ATP2B2: variants seen among roughly 807,000 people sequenced by gnomAD.
ATP2B2 encodes the protein ATPase plasma membrane Ca2+ transporting 2, also known as plasma membrane calcium-transporting ATPase 2.
A neutral mutation model predicts 120.0 loss-of-function variants in ATP2B2; 15 were observed. That is an observed-to-expected ratio of 0.12 (90% confidence interval 0.08 to 0.19). The LOEUF is 0.19. Among genes scored for constraint, ATP2B2 ranks in the 10% least tolerant of loss-of-function variants. The pLI is 1.00. For synonymous variants in ATP2B2, 694 were observed against 700.3 expected, an observed-to-expected ratio of 0.99 and a Z score of 0.14; for missense variants, 1,045 against 1,719.8, an observed-to-expected ratio of 0.61 and a Z score of 6.94.
chr3:10,373,699 T>C (rs902573226), intron 11 of ATP2B2, among the ~76,000 whole-genome samples: 7 of 152,212 alleles, frequency 4.6e-5, no homozygotes, highest in African/African-American at 7.2e-5. Flanking sequence ...TTTCCTTTTT[T>C]AAAATAATGT....
At chr3:10,352,215 C>A (rs1280147795) in intron 14 of ATP2B2, among the ~76,000 whole-genome samples, 1 of 152,364 alleles carries the variant, frequency 6.6e-6, no homozygotes, top group Non-Finnish European at 1.5e-5. Flanking sequence ...GCCCAGCCTG[C>A]CTCTGGGCAG....
At chr3:10,679,583 C>T (rs1458423111) in intron 1 of ATP2B2, among the ~76,000 whole-genome samples, 3 of 152,270 alleles carry the variant, frequency 2.0e-5, no homozygotes, top group Middle Eastern at 3.4e-3. Context: ...AAAGTTGGAG[C>T]AGGAGGGAAA....
chr3:10,597,063 C>CCACACACACACA (rs58466640), intron 2 of ATP2B2, among the ~76,000 whole-genome samples: 31 of 142,946 alleles, frequency 2.2e-4, no homozygotes, highest in South Asian at 9.2e-4. Flanking sequence ...ACACACAGGG[C>CCACACACACACA]CACACACACA....
intron 2 of ATP2B2, among the ~76,000 whole-genome samples, chr3:10,443,653 C>G (rs955284713): frequency 1.3e-5 from 2 of 152,192 alleles, no homozygotes; most frequent in Non-Finnish European, 2.9e-5. Context: ...CTCTTGACAG[C>G]ATTTGAGGTC....
intron 1 of ATP2B2, among the ~76,000 whole-genome samples, chr3:10,484,708 C>T (rs543149844): frequency 4.6e-5 from 7 of 152,294 alleles, no homozygotes; most frequent in South Asian, 2.1e-4. Flanking sequence ...AGCTGAATTG[C>T]GCAGTGCACC....
At chr3:10,498,079 G>A (rs1471965210) in intron 1 of ATP2B2, among the ~76,000 whole-genome samples, 3 of 152,222 alleles carry the variant, frequency 2.0e-5, no homozygotes, top group East Asian at 3.8e-4. Context: ...CCACTGTGGT[G>A]TAACACCAGT....
upstream of ATP2B2, among the ~76,000 whole-genome samples, chr3:10,509,514 C>T (rs1426474841): frequency 6.6e-6 from 1 of 152,202 alleles, no homozygotes; most frequent in African/African-American, 2.4e-5. Flanking sequence ...AAAATTGAGA[C>T]CTGGAGACCA....
At chr3:10,533,160 C>A (rs561353843) in intron 3 of ATP2B2, among the ~76,000 whole-genome samples, 2 of 152,192 alleles carry the variant, frequency 1.3e-5, no homozygotes, top group African/African-American at 4.8e-5. Flanking sequence ...ATAGCAGAGG[C>A]CCCAAGAAAG....
At chr3:10,634,084 G>A (rs533061618) in intron 1 of ATP2B2, among the ~76,000 whole-genome samples, 170 of 152,334 alleles carry the variant, frequency 1.1e-3, no homozygotes, top group South Asian at 3.7e-3. Flanking sequence ...CTGTGAGGAG[G>A]TGGGGCTTGA....
intron 2 of ATP2B2, among the ~76,000 whole-genome samples, chr3:10,553,880 A>G (rs750422): frequency 0.48 from 73,074 of 151,746 alleles, 18,050 homozygotes; most frequent in East Asian, 0.67. Context: ...ATTGTTTAGC[A>G]CTCAATAGGC....
intron 2 of ATP2B2, among the ~76,000 whole-genome samples, chr3:10,555,339 G>A (rs1231522313): frequency 6.6e-6 from 1 of 152,246 alleles, no homozygotes; most frequent in African/African-American, 2.4e-5. Flanking sequence ...GGAGTACAAT[G>A]ATTGCCTGTT....
At chr3:10,412,022 T>C (rs2062627612) in intron 2 of ATP2B2, among the ~76,000 whole-genome samples, 1 of 152,234 alleles carries the variant, frequency 6.6e-6, no homozygotes, top group Non-Finnish European at 1.5e-5. Flanking sequence ...AAGCCCGTGT[T>C]TCCCAGCCTG....
chr3:10,569,335 T>C (rs968642234), intron 2 of ATP2B2, among the ~76,000 whole-genome samples: 1 of 152,114 alleles, frequency 6.6e-6, no homozygotes, highest in Non-Finnish European at 1.5e-5. Flanking sequence ...ATTAACCCTA[T>C]TTTGCAGGTG....
At chr3:10,633,825 C>G (rs558124861) in intron 1 of ATP2B2, among the ~76,000 whole-genome samples, 2,531 of 152,302 alleles carry the variant, frequency 0.017, 28 homozygotes, top group Middle Eastern at 0.031. Flanking sequence ...GGCTGTCCCC[C>G]CAACAGTTAT....
At chr3:10,357,870 TCTTCAGCCTGGGA>T (rs1248449378) in intron 14 of ATP2B2, among the ~76,000 whole-genome samples, 2 of 152,198 alleles carry the variant, frequency 1.3e-5, no homozygotes, top group African/African-American at 4.8e-5. Context: ...CCACAGCCTT[TCTTCAGCCTGGGA>T]AGCACCACAG....
At chr3:10,545,259 G>A (rs1026529204) in intron 2 of ATP2B2, among the ~76,000 whole-genome samples, 3 of 152,244 alleles carry the variant, frequency 2.0e-5, no homozygotes, top group Non-Finnish European at 4.4e-5. Context: ...GCCGGGTGCA[G>A]TGGCTCATGC....
chr3:10,380,154 C>T (rs2061493142), intron 8 of ATP2B2, among the ~76,000 whole-genome samples: 1 of 152,192 alleles, frequency 6.6e-6, no homozygotes, highest in African/African-American at 2.4e-5. Flanking sequence ...CATCTGGCTG[C>T]CCCCCACCGA....
rs2065392480 is a variant in ATP2B2 at position 10,481,074 on chromosome 3, T to C, written c.-320+24391A>G. The stretch of plus-strand genomic sequence containing the variant: ...CACTGGTAGGAAGTCTGCCTGGGGC[T>C]ACCAGGACATTCCTGAGAATGAAGA... On this transcript the variant is annotated intron_variant, in intron 1 of 22. Coordinates refer to ENST00000360273, the MANE Select transcript of ATP2B2 (RefSeq NM_001001331.4). Among the ~76,000 whole-genome samples the C allele has an allele frequency of 1.3e-5, 2 of 152,174 alleles. 1 individual carries two copies.
intron 1 of ATP2B2, among the ~76,000 whole-genome samples, chr3:10,468,009 A>C (rs2064822464): frequency 6.6e-6 from 1 of 152,208 alleles, no homozygotes; most frequent in Non-Finnish European, 1.5e-5. Context: ...TTAGGCCCTG[A>C]GTCCCAAGGC....
Sources: gnomAD v4.1 joint callset for allele counts (sites outside exome capture counted in the v4.1 genomes callset) on GRCh38, gnomAD v4.1.1 for gene constraint, MANE v1.5 for transcripts, NCBI Gene and HGNC (gene_info 2026-07-23, HGNC 2026-07-21) for gene names.